GRIA4: variants seen among roughly 807,000 people sequenced by gnomAD.
GRIA4 encodes glutamate receptor 4.
In GRIA4, 34 loss-of-function variants were observed where a neutral mutation model predicts 104.0. That is an observed-to-expected ratio of 0.33 (90% CI 0.25 to 0.44). The LOEUF (loss-of-function observed/expected upper bound fraction) is 0.44, where lower values mean the gene tolerates loss of function less well. Among genes scored for constraint, GRIA4 ranks in the 20% least tolerant of loss-of-function variants. The pLI is 1.00. For missense variants in GRIA4, 750 were observed against 1,096.5 expected, an observed-to-expected ratio of 0.68 and a Z score of 4.46; for synonymous variants, 386 against 381.9, an observed-to-expected ratio of 1.01 and a Z score of -0.13.
chr11:105,666,144 G>A (rs1952158228), intron 3 of GRIA4, among the ~76,000 whole-genome samples: 1 of 151,756 alleles, frequency 6.6e-6, no homozygotes, highest in Non-Finnish European at 1.5e-5. Context: ...TTTAAACCAT[G>A]GCCTCTGAAC....
intron 4 of GRIA4, among the ~76,000 whole-genome samples, chr11:105,780,782 A>C (rs1158698642): frequency 6.6e-6 from 1 of 152,180 alleles, no homozygotes; most frequent in Admixed American, 6.5e-5. Context: ...TTCAACAATG[A>C]AAATCATGCA....
intron 9 of GRIA4, among the ~76,000 whole-genome samples, chr11:105,906,445 G>A (rs901360808): frequency 6.6e-6 from 1 of 152,150 alleles, no homozygotes; most frequent in Non-Finnish European, 1.5e-5. Flanking sequence ...AGGATGAAAT[G>A]GAAGGGGCAA....
chr11:105,888,251 G>T (rs1328225967), intron 6 of GRIA4, among the ~76,000 whole-genome samples: 2 of 129,860 alleles, frequency 1.5e-5, no homozygotes, highest in Non-Finnish European at 3.2e-5. Context: ...TTATATTGGA[G>T]AAGTTAAGGA....
At chr11:105,783,744 TTGTGTGTGTGTG>T (rs56222983) in intron 4 of GRIA4, among the ~76,000 whole-genome samples, 9,049 of 145,410 alleles carry the variant, frequency 0.062, 396 homozygotes, top group Non-Finnish European at 0.089. Context: ...TGGATGTTAT[TTGTGTGTGTGTG>T]TGTGTGTGTG....
rs1947198260 is a variant in GRIA4, at chr11:105,910,498, G to T, written c.1222G>T (p.Asp408Tyr). 1 of 1,601,452 alleles carries T rather than the reference G, an allele frequency of 6.2e-7. No individual in the cohort carries two copies. The highest frequency in any genetic ancestry group is 8.6e-7 in the Non-Finnish European group (1 of 1,168,574). Reference protein sequence around the residue: ...LIQDVPTLGNDTAAIENRTVV... With the variant: ...LIQDVPTLGNYTAAIENRTVV... ...TCAAGATGTACCAACTCTTGGCAAT[G>T]ACACAGCTGCTATTGAGAACAGAAC... is the stretch of plus-strand genomic sequence containing the variant. Residue 408 changes from aspartate to tyrosine, a missense_variant, in exon 10 of 17, where the codon GAC (aspartate) becomes TAC (tyrosine). Transcript: ENST00000282499.
chr11:105,659,287 T>C (rs1371659482), intron 3 of GRIA4, among the ~76,000 whole-genome samples: 4 of 151,910 alleles, frequency 2.6e-5, no homozygotes, highest in African/African-American at 9.7e-5. Context: ...CTCTCTTACA[T>C]CTTAGGCATG....
intron 4 of GRIA4, among the ~76,000 whole-genome samples, chr11:105,828,476 C>T (rs576485860): frequency 5.9e-5 from 9 of 152,008 alleles, no homozygotes; most frequent in South Asian, 4.2e-4. Context: ...GCAGCACTGG[C>T]GGTTCCTACC....
At chr11:105,881,337 C>T (rs1479851098) in intron 5 of GRIA4, among the ~76,000 whole-genome samples, 1 of 152,118 alleles carries the variant, frequency 6.6e-6, no homozygotes, top group Non-Finnish European at 1.5e-5. Flanking sequence ...CACAGAAAAC[C>T]TACAGGCAAG....
chr11:105,796,273 A>C (rs777086859), intron 4 of GRIA4, among the ~76,000 whole-genome samples: 2 of 152,036 alleles, frequency 1.3e-5, no homozygotes, highest in Non-Finnish European at 2.9e-5. Context: ...CCATGTGTTT[A>C]TTTATTTGGG....
intron 4 of GRIA4, among the ~76,000 whole-genome samples, chr11:105,856,950 G>T (rs1167560921): frequency 6.6e-6 from 1 of 152,000 alleles, no homozygotes; most frequent in South Asian, 2.1e-4. Flanking sequence ...TCTTATCTTG[G>T]GTTTACGTGA....
At chr11:105,959,573 T>C (rs1257703713) in intron 14 of GRIA4, among the ~76,000 whole-genome samples, 1 of 152,222 alleles carries the variant, frequency 6.6e-6, no homozygotes, top group Non-Finnish European at 1.5e-5. Flanking sequence ...TCGTAGTTTT[T>C]ATTACCTATC....
In GRIA4 at chr11:105,611,052, G is replaced by T. The variant is rs1272256505; in HGVS notation, c.55G>T (p.Ala19Ser). The T allele has an allele frequency of 6.2e-7, 1 of 1,613,434 alleles. No individual in the cohort carries two copies. Among genetic ancestry groups the T allele is most frequent in the South Asian group, 1.1e-5 (1 of 91,048 alleles). ...VLLFSGFWGLAMGAFPSSVQI... is the reference protein window; with the variant it reads ...VLLFSGFWGLSMGAFPSSVQI... ...GTTATTTTCTGGATTTTGGGGACTC[G>T]CCATGGGAGCCTTTCCGAGCAGCGT... The change falls in exon 2 of 17, where the codon GCC (alanine) becomes TCC (serine). Residue 19 changes from alanine to serine, a missense_variant. Ala to Ser is a moderately conservative substitution (Grantham distance 99). This residue lies in a region of GRIA4 where 410 missense variants were observed against 502.7 expected (regional missense o/e 0.82). Transcript: ENST00000282499.
chr11:105,827,062 T>G (rs1943797454), intron 4 of GRIA4, among the ~76,000 whole-genome samples: 1 of 152,030 alleles, frequency 6.6e-6, no homozygotes, highest in Non-Finnish European at 1.5e-5. Flanking sequence ...ATCCAGAAAG[T>G]CCTACCACTC....
In GRIA4 at chr11:105,794,367, CT is replaced by C. The variant is rs1591267711; in HGVS notation, c.487+41148del. Among the ~76,000 whole-genome samples, 3 of 148,036 alleles carry C rather than the reference CT, an allele frequency of 2.0e-5. No individual in the cohort carries two copies. The East Asian group carries it at 6.1e-4, about 30-fold the overall frequency. The stretch of plus-strand genomic sequence containing the variant: ...GGTTTTTGGCTTGTTATTCACAGCT[CT>C]ATCTCCAGCAAATAGAACAGGAACT... On this transcript the variant is annotated intron_variant, in intron 4 of 16. Transcript: ENST00000282499.
intron 4 of GRIA4, among the ~76,000 whole-genome samples, chr11:105,794,266 T>C (rs1019262807): frequency 4.0e-5 from 6 of 151,144 alleles, no homozygotes; most frequent in African/African-American, 7.3e-5. Flanking sequence ...AAGAGGAACA[T>C]TCATGTTTAT....
chr11:105,971,690 A>G (rs955222414), intron 14 of GRIA4, among the ~76,000 whole-genome samples: 1 of 152,146 alleles, frequency 6.6e-6, no homozygotes. Context: ...CAGTAATTGC[A>G]TACATTTTAT....
At chr11:105,888,608 CTT>C (rs568742252) in intron 6 of GRIA4, among the ~76,000 whole-genome samples, 2 of 151,610 alleles carry the variant, frequency 1.3e-5, no homozygotes, top group Non-Finnish European at 2.9e-5. Flanking sequence ...TTTTATGACA[CTT>C]TTTTTTAATG....
At chr11:105,947,976 G>T (rs989211641) in intron 14 of GRIA4, among the ~76,000 whole-genome samples, 2 of 152,026 alleles carry the variant, frequency 1.3e-5, no homozygotes, top group East Asian at 1.9e-4. Flanking sequence ...GAATTCTTAG[G>T]CTTCAACTAT....
intron 3 of GRIA4, among the ~76,000 whole-genome samples, chr11:105,690,479 A>T (rs566723982): frequency 6.6e-6 from 1 of 152,294 alleles, no homozygotes; most frequent in Non-Finnish European, 1.5e-5. Flanking sequence ...TCCTAGTAGA[A>T]ATTAGCCAAC....
Sources: gnomAD v4.1 joint callset for allele counts (sites outside exome capture counted in the v4.1 genomes callset) on GRCh38, gnomAD v4.1.1 for gene constraint, gnomAD v4.1.1 regional missense constraint, MANE v1.5 for transcripts, NCBI Gene and HGNC (gene_info 2026-07-23, HGNC 2026-07-21) for gene names.